SPIDR: variants seen among roughly 807,000 people sequenced by gnomAD.
The protein encoded by SPIDR is scaffold protein involved in DNA repair.
A neutral mutation model predicts 104.6 loss-of-function variants in SPIDR; 93 were observed. The ratio of observed to expected loss-of-function variants is 0.89; its 90% confidence interval spans 0.75 to 1.06. The LOEUF is 1.06. SPIDR is among the 50% of genes least tolerant of loss of function. The pLI is 0.00. For synonymous variants in SPIDR, 431 were observed against 416.9 expected (o/e 1.03, Z -0.41); for missense variants, 1,154 against 1,111.2 (o/e 1.04, Z -0.55).
intron 5 of SPIDR, among the ~76,000 whole-genome samples, chr8:47,385,195 C>T (rs1194201339): frequency 6.6e-6 from 1 of 152,140 alleles, no homozygotes; most frequent in Non-Finnish European, 1.5e-5. Flanking sequence ...TCTTCAAGAA[C>T]TGTTCTGTGT....
At chr8:47,524,521 A>T (rs550376178) in intron 8 of SPIDR, among the ~76,000 whole-genome samples, 89 of 152,292 alleles carry the variant, frequency 5.8e-4, no homozygotes, top group Non-Finnish European at 1.0e-3. Context: ...GAGGAACTGC[A>T]GGCTCTCAGC....
chr8:47,349,693 A>G (rs1277101831), intron 5 of SPIDR, among the ~76,000 whole-genome samples: 2 of 152,182 alleles, frequency 1.3e-5, no homozygotes, highest in Non-Finnish European at 2.9e-5. Flanking sequence ...CACCTCCCCC[A>G]GCATCGCTGC....
At chr8:47,285,055 A>G (rs2038568574) in intron 3 of SPIDR, among the ~76,000 whole-genome samples, 2 of 152,216 alleles carry the variant, frequency 1.3e-5, no homozygotes, top group African/African-American at 4.8e-5. Flanking sequence ...TTGTATCTGG[A>G]GAATGGGCAT....
intron 10 of SPIDR, among the ~76,000 whole-genome samples, chr8:47,669,543 CCCTT>C (rs1392790925): frequency 6.6e-6 from 1 of 152,180 alleles, no homozygotes; most frequent in Non-Finnish European, 1.5e-5. Context: ...GACAGAAGCA[CCCTT>C]CCTTGTTATT....
chr8:47,465,778 A>G (rs781880883), intron 8 of SPIDR, among the ~76,000 whole-genome samples: 1 of 152,008 alleles, frequency 6.6e-6, no homozygotes, highest in African/African-American at 2.4e-5. Context: ...TCTTCAAGAG[A>G]CCCATCTCAC....
At chr8:47,339,134 T>A (rs920521511) in intron 5 of SPIDR, among the ~76,000 whole-genome samples, 5 of 152,194 alleles carry the variant, frequency 3.3e-5, no homozygotes, top group African/African-American at 1.2e-4. Flanking sequence ...CTTTCAGAAA[T>A]GATTCACCAT....
At chr8:47,492,926 T>G (rs575909433) in intron 8 of SPIDR, among the ~76,000 whole-genome samples, 1 of 152,288 alleles carries the variant, frequency 6.6e-6, no homozygotes, top group Non-Finnish European at 1.5e-5. Context: ...ATCTTGACTG[T>G]TCATTTAAGA....
chr8:47,478,050 T>C lies in SPIDR; in HGVS notation c.1097+37508T>C, dbSNP rs548603439. 6.6e-5 allele frequency among the ~76,000 whole-genome samples: 10 copies of C among 152,228 alleles called. No individual in the cohort carries two copies. In the South Asian group the frequency reaches 2.1e-3, roughly 32 times the overall value. On this transcript the variant is annotated intron_variant, in intron 8 of 19. Transcript: ENST00000297423. Reference sequence around the variant, plus strand: ...TGAAGCTAGAGTTGAAGGTTGAAGCTAGAGTGCTAGCAGCACCCAGGGCGT... The same window carrying C: ...TGAAGCTAGAGTTGAAGGTTGAAGCCAGAGTGCTAGCAGCACCCAGGGCGT...
intron 10 of SPIDR, among the ~76,000 whole-genome samples, chr8:47,600,954 C>T (rs778996445): frequency 1.1e-4 from 16 of 152,286 alleles, no homozygotes; most frequent in Non-Finnish European, 2.9e-5. Context: ...AACCAATGCA[C>T]GTTATGAAGG....
At chr8:47,375,010 G>A (rs555167663) in intron 5 of SPIDR, among the ~76,000 whole-genome samples, 11 of 151,992 alleles carry the variant, frequency 7.2e-5, no homozygotes, top group South Asian at 2.1e-4. Context: ...AGCCGAGATC[G>A]CACCACTGCA....
rs781840199 is a variant in SPIDR, at chr8:47,396,375, G to T, written c.526-1G>T. ...ATGCCTTTCTTTTAATTTTTTTTCA[G>T]CCAAGTTCTATAGAAATTTTAGAGT... On this transcript the variant is annotated splice_acceptor_variant, in intron 5 of 19. Coordinates refer to ENST00000297423, the MANE Select transcript of SPIDR (RefSeq NM_001080394.4). LOFTEE classifies it high-confidence loss of function. 35 of 1,593,304 alleles carry T rather than the reference G, an allele frequency of 2.2e-5. No individual in the cohort carries two copies. Among genetic ancestry groups the T allele is most frequent in the Non-Finnish European group, 2.9e-5 (34 of 1,164,786 alleles).
intron 6 of SPIDR, among the ~76,000 whole-genome samples, chr8:47,404,353 A>G (rs190396481): frequency 6.6e-6 from 1 of 152,372 alleles, no homozygotes; most frequent in African/African-American, 2.4e-5. Flanking sequence ...GACAAGTGGG[A>G]TCTAATTAAA....
chr8:47,735,230 T>G, intron 19 of SPIDR, 77 bp from the exon 20 acceptor site: 2 of 1,433,468 alleles, frequency 1.4e-6, no homozygotes, highest in South Asian at 1.2e-5. Flanking sequence ...CCACTCTGGC[T>G]CTCTGGTTTT....
At chr8:47,432,544 A>C (rs1422315011) in intron 7 of SPIDR, among the ~76,000 whole-genome samples, 1 of 152,170 alleles carries the variant, frequency 6.6e-6, no homozygotes, top group Non-Finnish European at 1.5e-5. Flanking sequence ...TTCATGGTTT[A>C]ATAGATGAAA....
chr8:47,360,787 A>G, intron 5 of SPIDR: 1 of 982,236 alleles, frequency 1.0e-6, no homozygotes, highest in African/African-American at 1.7e-5. Context: ...CTGTGGGGCA[A>G]AAATTTGTCT....
At chr8:47,702,707 C>T (rs2080480405) in intron 14 of SPIDR, among the ~76,000 whole-genome samples, 1 of 152,150 alleles carries the variant, frequency 6.6e-6, no homozygotes. Context: ...GGATTGAGAA[C>T]ATCCTGTTTG....
chr8:47,707,062 G>A (rs2081195413), intron 14 of SPIDR, among the ~76,000 whole-genome samples: 1 of 152,022 alleles, frequency 6.6e-6, no homozygotes, highest in Non-Finnish European at 1.5e-5. Flanking sequence ...AGATGAGCCT[G>A]TCAAACGTGG....
At chr8:47,341,299 C>T (rs1426700690) in intron 5 of SPIDR, among the ~76,000 whole-genome samples, 2 of 152,126 alleles carry the variant, frequency 1.3e-5, no homozygotes, top group African/African-American at 4.8e-5. Flanking sequence ...ATGATATTCC[C>T]TTTCCATATG....
In SPIDR at chr8:47,411,321, G is replaced by A. The variant is rs1294426347; in HGVS notation, c.877+3360G>A. On this transcript the variant is annotated intron_variant, in intron 7 of 19. Transcript: ENST00000297423. ...TTTCTTCACATCCTCTCCAGCACCC[G>A]TTGTTTCCTGACTTTTTAATGATCA... Among the ~76,000 whole-genome samples the A allele has an allele frequency of 4.6e-5, 7 of 152,166 alleles. No homozygotes were observed. The South Asian group carries it at 8.3e-4, about 18-fold the overall frequency.
Sources: allele counts gnomAD v4.1 joint callset (sites outside exome capture counted in the v4.1 genomes callset), GRCh38; gene constraint gnomAD v4.1.1; transcripts MANE v1.5; gene names NCBI Gene and HGNC (gene_info 2026-07-23, HGNC 2026-07-21).